The following TNRC6B variants were observed in gnomAD, a reference collection of about 807,000 sequenced individuals.
TNRC6B encodes trinucleotide repeat containing adaptor 6B, also known as trinucleotide repeat-containing gene 6B protein.
A neutral mutation model predicts 203.6 loss-of-function variants in TNRC6B; 52 were observed. That is an observed-to-expected ratio of 0.26 (90% CI 0.20 to 0.32). TNRC6B has a LOEUF of 0.32. Among genes scored for constraint, TNRC6B ranks in the 10% least tolerant of loss-of-function variants. The probability of loss-of-function intolerance (pLI) is 1.00; values close to 1 mark genes in which losing one functional copy is unlikely to be tolerated. For synonymous variants in TNRC6B, 838 were observed against 845.7 expected (o/e 0.99, Z 0.16); for missense variants, 1,923 against 2,286.2 (o/e 0.84, Z 3.24).
intron 1 of TNRC6B, among the ~76,000 whole-genome samples, chr22:40,194,549 T>G (rs1484717691): frequency 6.6e-6 from 1 of 152,212 alleles, no homozygotes; most frequent in Non-Finnish European, 1.5e-5. Context: ...GTGAACTGTC[T>G]CCTCCCTTTT....
upstream of TNRC6B, among the ~76,000 whole-genome samples, chr22:40,177,039 G>T (rs1284848332): frequency 1.3e-5 from 2 of 152,208 alleles, no homozygotes; most frequent in Admixed American, 1.3e-4. Flanking sequence ...GAAGTTACAC[G>T]GCCTGTGAGC....
chr22:40,179,886 C>T (rs1336656836), intron 1 of TNRC6B, among the ~76,000 whole-genome samples: 1 of 152,156 alleles, frequency 6.6e-6, no homozygotes, highest in Non-Finnish European at 1.5e-5. Context: ...CATTTGAATA[C>T]ATAAGATAAT....
chr22:40,065,784 A>G (rs2067889778), intron 1 of TNRC6B, among the ~76,000 whole-genome samples: 1 of 152,138 alleles, frequency 6.6e-6, no homozygotes. Flanking sequence ...GTTCTTCACT[A>G]CTGAAGCAAC....
intron 1 of TNRC6B, among the ~76,000 whole-genome samples, chr22:40,200,242 G>A (rs1023783571): frequency 9.8e-6 from 1 of 101,626 alleles, no homozygotes; most frequent in Non-Finnish European, 2.1e-5. Context: ...GTTTGAGATT[G>A]TTTCAAAATT....
At position 40,331,406 on chromosome 22, in the gene TNRC6B, C is replaced by T. The variant is rs893145985; in HGVS notation, c.*8165C>T. 3.3e-6 allele frequency: 1 copy of T among 306,250 alleles called. No individual in the cohort carries two copies. The highest frequency in any genetic ancestry group is 6.0e-6 in the Non-Finnish European group (1 of 167,558). 19.0% of individuals were successfully genotyped at this position (306,250 alleles called of 1,614,324 possible). ...GTTTTAAACAATTTCACCTCTTCTCCCCACTCCTATCTTCTAAAGAAATAT... is the reference window on the plus strand; with the variant it reads ...GTTTTAAACAATTTCACCTCTTCTCTCCACTCCTATCTTCTAAAGAAATAT... On this transcript the variant is annotated 3_prime_UTR_variant, in exon 23 of 23. Transcript: ENST00000454349.
chr22:40,170,628 T>TATATTATATATATA (rs2068974301), intron 4 of TNRC6B, among the ~76,000 whole-genome samples: 1 of 127,886 alleles, frequency 7.8e-6, no homozygotes, highest in Non-Finnish European at 1.6e-5. Flanking sequence ...CATACATATA[T>TATATTATATATATA]GAACATACAT....
At chr22:40,293,781 C>T (rs1297628126) in intron 12 of TNRC6B, among the ~76,000 whole-genome samples, 3 of 152,006 alleles carry the variant, frequency 2.0e-5, no homozygotes, top group Non-Finnish European at 4.4e-5. Flanking sequence ...GCATCAATAG[C>T]TGTGCCGCAC....
intron 1 of TNRC6B, chr22:40,107,057 A>G (rs1016491199): frequency 1.1e-5 from 9 of 833,622 alleles, no homozygotes; most frequent in Non-Finnish European, 1.8e-5. Flanking sequence ...TCTTTTCTAC[A>G]CCCTCCGTGG....
Position 40,198,102 on chromosome 22 carries a change from G to A in TNRC6B, c.5+19962G>A, listed in dbSNP as rs556657506. Reference sequence around the variant, plus strand: ...TCAGAAGGCTTATCAAAGCTATAACGAAGAAAATAGAAGTCATTTGTAATT... The same window carrying A: ...TCAGAAGGCTTATCAAAGCTATAACAAAGAAAATAGAAGTCATTTGTAATT... On this transcript the variant is annotated intron_variant, in intron 1 of 22. Coordinates refer to ENST00000454349, the MANE Select transcript of TNRC6B (RefSeq NM_001162501.2). 3.9e-5 allele frequency among the ~76,000 whole-genome samples: 6 copies of A among 152,042 alleles called. 1 individual carries two copies. The highest frequency in any genetic ancestry group is 1.3e-4 in the Admixed American group (2 of 15,248).
intron 4 of TNRC6B, among the ~76,000 whole-genome samples, chr22:40,263,380 C>G (rs865830537): frequency 6.6e-6 from 1 of 152,188 alleles, no homozygotes; most frequent in Admixed American, 6.5e-5. Context: ...CATGGCCTTT[C>G]CTTCCTGGCT....
chr22:40,103,098 TAAA>T (rs2068253799), intron 1 of TNRC6B, among the ~76,000 whole-genome samples: 3 of 150,818 alleles, frequency 2.0e-5, no homozygotes, highest in African/African-American at 7.3e-5. Flanking sequence ...TAAAAATAAA[TAAA>T]TAAATTAATT....
chr22:40,218,324 C>CTTTTTTTTTTTTTT lies in TNRC6B; in HGVS notation c.6-27684_6-27671dup, dbSNP rs71199275. On this transcript the variant is annotated intron_variant, in intron 1 of 22. Coordinates refer to ENST00000454349, the MANE Select transcript of TNRC6B (RefSeq NM_001162501.2). ...TGATTTTTTTTTTCTTTTTTCTTTT[C>CTTTTTTTTTTTTTT]TTTTTTTTTTTTTTTTTTTTGAGAC... Among the ~76,000 whole-genome samples, 282 of 97,454 alleles carry CTTTTTTTTTTTTTT rather than the reference C, an allele frequency of 2.9e-3. 1 individual carries two copies. Among genetic ancestry groups the CTTTTTTTTTTTTTT allele is most frequent in the East Asian group, 7.7e-3 (24 of 3,106 alleles). The allele number at this position is 97,454 out of a possible 152,430, so 63.9% of individuals were successfully genotyped here. A position where few individuals can be genotyped will look rare whatever the true frequency, so the allele number is the denominator to read the frequency against.
chr22:40,301,312 C>T lies in TNRC6B; in HGVS notation c.4099C>T (p.Pro1367Ser), dbSNP rs776318392. 6.2e-7 allele frequency: 1 copy of T among 1,606,470 alleles called. No homozygotes were observed. Among genetic ancestry groups the T allele is most frequent in the South Asian group, 1.1e-5 (1 of 89,484 alleles). The change falls in exon 15 of 23, where the codon CCA becomes TCA. Residue 1367 changes from proline (P) to serine (S), a missense_variant. Coordinates refer to ENST00000454349, the MANE Select transcript of TNRC6B (RefSeq NM_001162501.2). ...GCTCCCAGACCTTCAAACCAAAGGG[C>T]CAATACCTGGATATGGTTCTGGTAA... ...VGLPDLQTKGPIPGYGSGFSS... is the reference protein window; with the variant it reads ...VGLPDLQTKGSIPGYGSGFSS...
intron 1 of TNRC6B, among the ~76,000 whole-genome samples, chr22:40,085,054 G>T (rs1463341451): frequency 1.3e-5 from 2 of 152,154 alleles, no homozygotes; most frequent in African/African-American, 4.8e-5. Flanking sequence ...TAGAGCACTT[G>T]CTCTGAGGGA....
Position 40,288,839 on chromosome 22 carries a change from C to CTTT in TNRC6B, c.3708+3087_3708+3089dup, listed in dbSNP as rs1224962691. Among the ~76,000 whole-genome samples the CTTT allele has an allele frequency of 1.0e-4, 11 of 105,104 alleles. 1 individual carries two copies. Among genetic ancestry groups the CTTT allele is most frequent in the South Asian group, 3.2e-4 (1 of 3,148 alleles). The allele number at this position is 105,104 out of a possible 152,430, so 69.0% of individuals were successfully genotyped here. A position where few individuals can be genotyped will look rare whatever the true frequency, so the allele number is the denominator to read the frequency against. Reference sequence around the variant, plus strand: ...TACAGGCGTGAGCCACTGTGCCCAGCTTTTTTTTTTTTTTTTTTTTGAGGC... The same window carrying CTTT: ...TACAGGCGTGAGCCACTGTGCCCAGCTTTTTTTTTTTTTTTTTTTTTTTGAGGC... On this transcript the variant is annotated intron_variant, in intron 12 of 22. Coordinates refer to ENST00000454349, the MANE Select transcript of TNRC6B (RefSeq NM_001162501.2).
At chr22:40,202,368 CAAAT>C (rs1601880061) in intron 1 of TNRC6B, among the ~76,000 whole-genome samples, 1 of 149,934 alleles carries the variant, frequency 6.7e-6, no homozygotes, top group South Asian at 2.1e-4. Context: ...TTGAAAGAAT[CAAAT>C]AACTTATTTT....
chr22:40,311,117 A>G (rs2071173913), intron 17 of TNRC6B, 124 bp downstream of exon 17: 7 of 1,143,680 alleles, frequency 6.1e-6, no homozygotes, highest in South Asian at 1.6e-5. Context: ...TTTTCATTCA[A>G]TAATTGTCTG....
intron 15 of TNRC6B, among the ~76,000 whole-genome samples, chr22:40,308,005 C>T (rs2071114196): frequency 1.3e-5 from 2 of 152,162 alleles, no homozygotes. Flanking sequence ...ATTTGAATGT[C>T]TCACCATTCC....
chr22:40,230,372 C>T (rs899924459), intron 1 of TNRC6B, among the ~76,000 whole-genome samples: 4 of 150,572 alleles, frequency 2.7e-5, no homozygotes, highest in Non-Finnish European at 1.5e-5. Context: ...TCACCACAAC[C>T]TCCGCCTCCC....
Sources: gnomAD v4.1 joint callset for allele counts (sites outside exome capture counted in the v4.1 genomes callset) on GRCh38, gnomAD v4.1.1 for gene constraint, MANE v1.5 for transcripts, NCBI Gene and HGNC (gene_info 2026-07-23, HGNC 2026-07-21) for gene names.